The following DSCC1 variants were observed in gnomAD, a reference collection of about 807,000 sequenced individuals.
The protein encoded by DSCC1 is DNA replication and sister chromatid cohesion 1, also known as sister chromatid cohesion protein DCC1.
In DSCC1, 32 loss-of-function variants were observed where a neutral mutation model predicts 48.2. That is an observed-to-expected ratio of 0.66 (90% confidence interval 0.50 to 0.89). DSCC1 has a LOEUF of 0.89. Ranked by LOEUF, DSCC1 falls within the 40% of genes least tolerant of loss-of-function variation. DSCC1 has a pLI of 0.00. For missense variants in DSCC1, 421 were observed against 471.7 expected, an observed-to-expected ratio of 0.89 and a Z score of 1.00; for synonymous variants, 150 against 171.5, an observed-to-expected ratio of 0.87 and a Z score of 0.98.
chr8:119,840,933 T>C (rs1041166656), intron 7 of DSCC1, among the ~76,000 whole-genome samples: 1 of 151,330 alleles, frequency 6.6e-6, no homozygotes, highest in Non-Finnish European at 1.5e-5. Context: ...AATAAATAAA[T>C]AAAATGATTT....
intron 5 of DSCC1, 59 bp downstream of exon 5, chr8:119,843,550 G>A (rs1826806283): frequency 6.4e-7 from 1 of 1,559,416 alleles, no homozygotes; most frequent in South Asian, 1.2e-5. Context: ...ATTCCAATCT[G>A]TAAAACAACT....
At chr8:119,835,838 C>T (rs1230297199) in intron 8 of DSCC1, among the ~76,000 whole-genome samples, 2 of 151,994 alleles carry the variant, frequency 1.3e-5, no homozygotes, top group African/African-American at 4.8e-5. Flanking sequence ...AAGAAGATTA[C>T]GACCGGAACA....
chr8:119,855,582 G>C (rs1014169178), intron 1 of DSCC1, 32 bp downstream of exon 1: 15 of 1,523,656 alleles, frequency 9.8e-6, no homozygotes, highest in East Asian at 7.6e-5. Context: ...TGGCCGGCCA[G>C]AGGCTGGGGG....
At chr8:119,847,979 TTTTTG>T (rs748624673) in intron 3 of DSCC1, among the ~76,000 whole-genome samples, 6,757 of 148,580 alleles carry the variant, frequency 0.045, 161 homozygotes, top group African/African-American at 0.065. Flanking sequence ...TTTGTTTTTG[TTTTTG>T]TTTTTTTTAA....
chr8:119,854,276 G>T (rs553243099), intron 1 of DSCC1, among the ~76,000 whole-genome samples: 2 of 152,276 alleles, frequency 1.3e-5, no homozygotes, highest in Non-Finnish European at 2.9e-5. Flanking sequence ...AAAGGATGAA[G>T]GTGAAGCGGA....
At chr8:119,847,217 G>A in intron 3 of DSCC1, 137 bp from the exon 4 acceptor site, 1 of 673,866 alleles carries the variant, frequency 1.5e-6, no homozygotes, top group East Asian at 2.8e-5. Flanking sequence ...TTGTTAACAT[G>A]TAATGATTTC....
At chr8:119,855,519 C>T in intron 1 of DSCC1, 95 bp downstream of exon 1, 1 of 1,446,288 alleles carries the variant, frequency 6.9e-7, no homozygotes. Context: ...CAGGTCAGTG[C>T]ATCTCTCTGG....
intron 8 of DSCC1, 34 bp downstream of exon 8, chr8:119,838,225 G>A (rs766931719): frequency 2.5e-5 from 37 of 1,506,886 alleles, no homozygotes; most frequent in South Asian, 2.8e-5. Flanking sequence ...TAAAAAGAAC[G>A]ACCCTCAAAA....
Position 119,846,971 on chromosome 8 carries a change from T to C in DSCC1, c.577+19A>G, listed in dbSNP as rs1042152769. 1 of 1,608,996 alleles carries C rather than the reference T, an allele frequency of 6.2e-7. No individual in the cohort carries two copies. The highest frequency in any genetic ancestry group is 8.5e-7 in the Non-Finnish European group (1 of 1,176,248). On this transcript the variant is annotated intron_variant, in intron 4 of 8. Transcript: ENST00000313655. ...ATGCCCAATTTCATCATTGTTAAAATAGTAGTAAGTAACGCTACCTCCAAT... is the reference window on the plus strand; with the variant it reads ...ATGCCCAATTTCATCATTGTTAAAACAGTAGTAAGTAACGCTACCTCCAAT...
rs1827010703 is a variant in DSCC1 at position 119,855,829 on chromosome 8, G to T, written c.-34C>A. The T allele has an allele frequency of 7.0e-7, 1 of 1,423,976 alleles. No homozygotes were observed. The allele number at this position is 1,423,976 out of a possible 1,614,324, so 88.2% of individuals were successfully genotyped here. A position where few individuals can be genotyped will look rare whatever the true frequency, so the allele number is the denominator to read the frequency against. On this transcript the variant is annotated 5_prime_UTR_variant, in exon 1 of 9. Coordinates refer to ENST00000313655, the MANE Select transcript of DSCC1 (RefSeq NM_024094.3). Reference sequence around the variant, plus strand: ...CGGGTCTAGGAGTCCCGCCGCGCCCGGGTGGCTGCGGGCTTGGCGGGCAAG... The same window carrying T: ...CGGGTCTAGGAGTCCCGCCGCGCCCTGGTGGCTGCGGGCTTGGCGGGCAAG...
At position 119,842,726 on chromosome 8, in the gene DSCC1, T is replaced by C. The variant is rs1462931377; in HGVS notation, c.769+50A>G. 6 of 1,527,528 alleles carry C rather than the reference T, an allele frequency of 3.9e-6. No individual in the cohort carries two copies. In the South Asian group the frequency reaches 6.8e-5, roughly 17 times the overall value. The allele number at this position is 1,527,528 out of a possible 1,614,324, so 94.6% of individuals were successfully genotyped here. A position where few individuals can be genotyped will look rare whatever the true frequency, so the allele number is the denominator to read the frequency against. ...AACACCGACAGGCTTTAGAAAGGTATGCCAGTTTTAACATATAAGAGTTAA... is the reference window on the plus strand; with the variant it reads ...AACACCGACAGGCTTTAGAAAGGTACGCCAGTTTTAACATATAAGAGTTAA... On this transcript the variant is annotated intron_variant, in intron 6 of 8. Coordinates refer to ENST00000313655, the MANE Select transcript of DSCC1 (RefSeq NM_024094.3).
At chr8:119,854,701 G>A (rs1278598271) in intron 1 of DSCC1, among the ~76,000 whole-genome samples, 1 of 152,128 alleles carries the variant, frequency 6.6e-6, no homozygotes, top group Admixed American at 6.6e-5. Flanking sequence ...TGGACCGAGA[G>A]AAAGTCCTCA....
intron 1 of DSCC1, 121 bp from the exon 2 acceptor site, chr8:119,853,336 T>C: frequency 1.9e-6 from 2 of 1,070,302 alleles, no homozygotes; most frequent in Non-Finnish European, 2.6e-6. Flanking sequence ...ATGCTGCCTC[T>C]GCCCCCTGCT....
chr8:119,835,348 T>C (rs951278389), intron 8 of DSCC1, among the ~76,000 whole-genome samples: 4 of 151,596 alleles, frequency 2.6e-5, no homozygotes, highest in African/African-American at 9.7e-5. Context: ...CTATTAAAAA[T>C]AGAAAAAAAT....
chr8:119,847,105 A>C, intron 3 of DSCC1, 25 bp from the exon 4 acceptor site: 1 of 1,587,092 alleles, frequency 6.3e-7, no homozygotes. Flanking sequence ...AAATATTTTA[A>C]GGCCTTTGAA....
chr8:119,845,694 A>G (rs1423268326), intron 4 of DSCC1, among the ~76,000 whole-genome samples: 1 of 152,030 alleles, frequency 6.6e-6, no homozygotes, highest in Non-Finnish European at 1.5e-5. Flanking sequence ...CACACCTGTA[A>G]TCTCAGCACT....
chr8:119,841,805 C>G lies in DSCC1; in HGVS notation c.913G>C (p.Asp305His). The change falls in exon 7 of 9, where the codon GAT (aspartate) becomes CAT (histidine). Residue 305 changes from aspartate (D) to histidine (H), a missense_variant. By Grantham distance (81) the Asp-to-His change is moderately conservative (BLOSUM62 -1). Around this residue, in one of 3 missense-constraint regions of DSCC1, gnomAD observed 238 missense variants for 259.0 expected, o/e 0.92. Transcript: ENST00000313655. Reference sequence around the variant, plus strand: ...TCTATTGCTATTACCTTAAGCTGATCAAGACTAGTTACCATTCCTTCAGGA... The same window carrying G: ...TCTATTGCTATTACCTTAAGCTGATGAAGACTAGTTACCATTCCTTCAGGA... ...SVPEGMVTSL[D>H]QLKGLALVDR... 2 of 1,613,810 alleles carry G rather than the reference C, an allele frequency of 1.2e-6. No individual in the cohort carries two copies. Among genetic ancestry groups the G allele is most frequent in the Non-Finnish European group, 1.7e-6 (2 of 1,179,928 alleles).
intron 8 of DSCC1, among the ~76,000 whole-genome samples, chr8:119,837,157 C>T (rs1490814065): frequency 6.6e-6 from 1 of 152,118 alleles, no homozygotes; most frequent in Non-Finnish European, 1.5e-5. Flanking sequence ...CTATTGTTGT[C>T]TTGCAAGATG....
Position 119,843,622 on chromosome 8 carries a change from G to A in DSCC1, c.703C>T (p.Pro235Ser), listed in dbSNP as rs771924616. The A allele has an allele frequency of 1.9e-5, 30 of 1,610,898 alleles. No homozygotes were observed. The South Asian group carries it at 3.1e-4, about 17-fold the overall frequency. The change falls in exon 5 of 9, where the codon CCA (proline) becomes TCA (serine). Residue 235 changes from proline (P) to serine (S), a missense_variant. This residue lies in a region of DSCC1 where 238 missense variants were observed against 259.0 expected (regional missense o/e 0.92). Coordinates refer to ENST00000313655, the MANE Select transcript of DSCC1 (RefSeq NM_024094.3). The part of the protein sequence containing the change: ...PLNTCLQELG[P>S]LEPEEMIEHC... ...TAAAATACTTACTCTGGCTCCAATG[G>A]TCCGAGTTCCTGAAGGCATGTGTTC...
Sources: allele counts gnomAD v4.1 joint callset (sites outside exome capture counted in the v4.1 genomes callset), GRCh38; gene constraint gnomAD v4.1.1; regional missense constraint gnomAD v4.1.1; transcripts MANE v1.5; gene names NCBI Gene and HGNC (gene_info 2026-07-23, HGNC 2026-07-21).